The following SNX29 variants were observed in gnomAD, a reference collection of about 807,000 sequenced individuals.
SNX29 encodes sorting nexin-29.
In SNX29, 78 loss-of-function variants were observed where a neutral mutation model predicts 102.1. That is an observed-to-expected ratio of 0.76 (90% CI 0.64 to 0.92). The LOEUF (loss-of-function observed/expected upper bound fraction) is 0.92. Ranked by LOEUF, SNX29 falls within the 40% of genes least tolerant of loss-of-function variation. The probability of loss-of-function intolerance (pLI) is 0.00; values close to 1 mark genes in which losing one functional copy is unlikely to be tolerated. For synonymous variants in SNX29, 580 were observed against 414.5 expected, an observed-to-expected ratio of 1.40 and a Z score of -4.85; for missense variants, 1,280 against 1,061.7, an observed-to-expected ratio of 1.21 and a Z score of -2.86.
intron 2 of SNX29, among the ~76,000 whole-genome samples, chr16:12,002,626 G>T (rs1452349125): frequency 1.3e-5 from 2 of 152,204 alleles, no homozygotes; most frequent in Non-Finnish European, 1.5e-5. Context: ...TATAGAAGTT[G>T]TAATTATCGC....
chr16:12,502,922 G>T (rs1465687927), intron 19 of SNX29, among the ~76,000 whole-genome samples: 1 of 152,212 alleles, frequency 6.6e-6, no homozygotes, highest in African/African-American at 2.4e-5. Flanking sequence ...TCTTGTTATT[G>T]AATGTGCCTG....
Position 12,558,712 on chromosome 16 carries a change from C to CG in SNX29, c.2319-9788dup, listed in dbSNP as rs533294286. On this transcript the variant is annotated intron_variant, in intron 20 of 20. Coordinates refer to ENST00000566228, the MANE Select transcript of SNX29 (RefSeq NM_032167.5). ...TGAATCCACCCCCATCCCGTTTCTA[C>CG]GGGGGGCTGCACAAGCCTCACCACT... Among the ~76,000 whole-genome samples, 530 of 152,262 alleles carry CG rather than the reference C, an allele frequency of 3.5e-3. 12 individuals are homozygous for CG. Among genetic ancestry groups the CG allele is most frequent in the East Asian group, 1.5e-3 (8 of 5,174 alleles).
intron 18 of SNX29, among the ~76,000 whole-genome samples, chr16:12,468,113 CTGCCCTGCCCTT>C (rs1404637639): frequency 1.3e-5 from 2 of 151,284 alleles, no homozygotes; most frequent in South Asian, 2.1e-4. Context: ...CATGTTCCCT[CTGCCCTGCCCTT>C]TGCCCTACAG....
In SNX29 at chr16:12,572,835, G is replaced by GA. The variant is rs1567231618; in HGVS notation, c.*4206_*4207insA. On this transcript the variant is annotated 3_prime_UTR_variant, in exon 21 of 21. Transcript: ENST00000566228. ...GTTAGGAGGCATCCCAGAAGGGGCAGCCTCATGCCCAGGTTTCAGCCCTAA... is the reference window on the plus strand; with the variant it reads ...GTTAGGAGGCATCCCAGAAGGGGCAGACCTCATGCCCAGGTTTCAGCCCTAA... The GA allele has an allele frequency of 3.0e-5, 32 of 1,063,810 alleles. No individual in the cohort carries two copies. Among genetic ancestry groups the GA allele is most frequent in the African/African-American group, 4.9e-5 (3 of 60,996 alleles). 65.9% of individuals were successfully genotyped at this position (1,063,810 alleles called of 1,614,324 possible).
chr16:12,236,751 C>T (rs1377803263), intron 14 of SNX29, among the ~76,000 whole-genome samples: 1 of 152,214 alleles, frequency 6.6e-6, no homozygotes, highest in African/African-American at 2.4e-5. Context: ...TCTCCCTTGG[C>T]CCTGTGCTGA....
At chr16:12,134,683 G>C (rs766461536) in intron 13 of SNX29, among the ~76,000 whole-genome samples, 1 of 152,194 alleles carries the variant, frequency 6.6e-6, no homozygotes, top group East Asian at 1.9e-4. Context: ...AGTCAACCTT[G>C]GTTCAGTGTT....
At chr16:12,217,444 T>G (rs1378406891) in intron 14 of SNX29, among the ~76,000 whole-genome samples, 1 of 152,170 alleles carries the variant, frequency 6.6e-6, no homozygotes, top group East Asian at 1.9e-4. Context: ...TGGAGACATG[T>G]GAAATATGGT....
intron 18 of SNX29, among the ~76,000 whole-genome samples, chr16:12,422,735 C>G (rs917256705): frequency 1.4e-4 from 22 of 152,202 alleles, no homozygotes; most frequent in African/African-American, 5.3e-4. Context: ...ACACACCTCT[C>G]TCTCCCAGCC....
At chr16:12,527,532 A>G (rs1205130165) in intron 20 of SNX29, 1 of 396,036 alleles carries the variant, frequency 2.5e-6, no homozygotes, top group Non-Finnish European at 4.8e-6. Context: ...AGGGCCCCCC[A>G]TTTTCCTGTG....
chr16:12,567,957 T>TC (rs1036408601), intron 20 of SNX29, among the ~76,000 whole-genome samples: 2 of 152,096 alleles, frequency 1.3e-5, no homozygotes, highest in Non-Finnish European at 2.9e-5. Context: ...AGGATCAGTG[T>TC]CCCCCTCTTG....
rs774312690 is a variant in SNX29 at position 12,569,869 on chromosome 16, C to T, written c.*1240C>T. The T allele has an allele frequency of 8.7e-6, 2 of 231,100 alleles. No individual in the cohort carries two copies. Among genetic ancestry groups the T allele is most frequent in the Admixed American group, 5.7e-5 (1 of 17,688 alleles). The allele number at this position is 231,100 out of a possible 1,614,324, so 14.3% of individuals were successfully genotyped here. A position where few individuals can be genotyped will look rare whatever the true frequency, so the allele number is the denominator to read the frequency against. On this transcript the variant is annotated 3_prime_UTR_variant, in exon 21 of 21. Coordinates refer to ENST00000566228, the MANE Select transcript of SNX29 (RefSeq NM_032167.5). Reference sequence around the variant, plus strand: ...GAAGGATGTCGTGAAATGGACTATGCAAGAGTAAGTTTGTGTGTTTCGCCT... The same window carrying T: ...GAAGGATGTCGTGAAATGGACTATGTAAGAGTAAGTTTGTGTGTTTCGCCT...
chr16:12,361,109 A>C (rs1246488573), intron 16 of SNX29, among the ~76,000 whole-genome samples: 1 of 152,014 alleles, frequency 6.6e-6, no homozygotes. Flanking sequence ...CATCTAATCT[A>C]CCTCCTCTGA....
chr16:12,125,158 A>G (rs866672642), intron 11 of SNX29, among the ~76,000 whole-genome samples: 1 of 152,170 alleles, frequency 6.6e-6, no homozygotes, highest in Non-Finnish European at 1.5e-5. Flanking sequence ...TTACTGCCCA[A>G]AAAGAGTCAC....
chr16:11,976,978 C>T, intron 1 of SNX29, 165 bp downstream of exon 1: 1 of 873,800 alleles, frequency 1.1e-6, no homozygotes, highest in Non-Finnish European at 1.5e-6. Flanking sequence ...GGCTCGTGGC[C>T]CCTGCTCACC....
chr16:12,565,457 T>G (rs922276591), intron 20 of SNX29, among the ~76,000 whole-genome samples: 14 of 152,140 alleles, frequency 9.2e-5, no homozygotes, highest in Non-Finnish European at 2.1e-4. Context: ...CTCCTCATCC[T>G]GGGTTCTCTC....
At chr16:12,403,580 A>G in intron 18 of SNX29, 51 bp downstream of exon 18, 2 of 1,525,246 alleles carry the variant, frequency 1.3e-6, no homozygotes, top group South Asian at 1.2e-5. Context: ...AAAAACGCCC[A>G]TTTGTCATGC....
chr16:12,176,564 A>G (rs1309936723), intron 13 of SNX29, among the ~76,000 whole-genome samples: 2 of 152,376 alleles, frequency 1.3e-5, no homozygotes, highest in South Asian at 2.1e-4. Context: ...AATTATTTAT[A>G]TAGCATTTGC....
At chr16:12,073,102 A>T (rs1197220098) in intron 10 of SNX29, among the ~76,000 whole-genome samples, 1 of 151,490 alleles carries the variant, frequency 6.6e-6, no homozygotes, top group Non-Finnish European at 1.5e-5. Context: ...AATTTTGTTG[A>T]TCCTTTCAAA....
At chr16:12,317,259 A>T (rs1240797588) in intron 15 of SNX29, among the ~76,000 whole-genome samples, 6 of 152,242 alleles carry the variant, frequency 3.9e-5, no homozygotes, top group African/African-American at 1.4e-4. Context: ...CCCTCCAGAG[A>T]CACACTTGGG....
Sources: gnomAD v4.1 joint callset for allele counts (sites outside exome capture counted in the v4.1 genomes callset) on GRCh38, gnomAD v4.1.1 for gene constraint, MANE v1.5 for transcripts, NCBI Gene and HGNC (gene_info 2026-07-23, HGNC 2026-07-21) for gene names.